UNC13C: variants seen among roughly 807,000 people sequenced by gnomAD.
UNC13C encodes protein unc-13 homolog C.
A neutral mutation model predicts 245.4 loss-of-function variants in UNC13C; 174 were observed. That is an observed-to-expected ratio of 0.71 (90% CI 0.63 to 0.80). The LOEUF is 0.80. UNC13C is among the 30% of genes least tolerant of loss of function. The pLI, the probability that UNC13C is intolerant of heterozygous loss-of-function variation, is 0.00. For missense variants in UNC13C, 2,829 were observed against 2,602.9 expected (o/e 1.09, Z -1.89); for synonymous variants, 992 against 895.1 (o/e 1.11, Z -1.93).
chr15:54,485,808 G>T (rs536936942), intron 19 of UNC13C, among the ~76,000 whole-genome samples: 17 of 152,014 alleles, frequency 1.1e-4, no homozygotes, highest in Non-Finnish European at 2.2e-4. Context: ...CCATTTCACT[G>T]TCTGTATTCT....
At chr15:54,423,783 A>G (rs936293581) in intron 19 of UNC13C, among the ~76,000 whole-genome samples, 4 of 151,842 alleles carry the variant, frequency 2.6e-5, no homozygotes, top group Non-Finnish European at 5.9e-5. Context: ...TGTGAAAATT[A>G]TATATTTAAC....
chr15:53,877,631 C>G, the UNC13C span, among the ~76,000 whole-genome samples: 1 of 151,576 alleles, frequency 6.6e-6, no homozygotes, highest in African/African-American at 2.4e-5. Context: ...AGAAGAAACA[C>G]GAAGAGAGAA....
intron 2 of UNC13C, among the ~76,000 whole-genome samples, chr15:54,090,324 G>A (rs1899496435): frequency 6.6e-6 from 1 of 151,834 alleles, no homozygotes; most frequent in East Asian, 1.9e-4. Flanking sequence ...TGGTAAAAAG[G>A]CTTAAGGATG....
chr15:54,141,363 G>A (rs1379100023), intron 2 of UNC13C, among the ~76,000 whole-genome samples: 2 of 152,046 alleles, frequency 1.3e-5, no homozygotes, highest in Admixed American at 6.6e-5. Context: ...ATATAGGCCA[G>A]AATTTTCAGA....
At chr15:53,924,121 C>T in the UNC13C span, among the ~76,000 whole-genome samples, 379 of 152,138 alleles carry the variant, frequency 2.5e-3, 1 homozygote, top group African/African-American at 8.7e-3. Context: ...ACAGGAGTAT[C>T]GCTTGAACCC....
chr15:54,440,373 T>C (rs11071072), intron 19 of UNC13C, among the ~76,000 whole-genome samples: 47,430 of 151,872 alleles, frequency 0.31, 8,016 homozygotes, highest in East Asian at 0.53. Flanking sequence ...GAGAATCACC[T>C]TTTTAGCTCC....
intron 19 of UNC13C, among the ~76,000 whole-genome samples, chr15:54,419,125 A>C (rs2040582917): frequency 6.6e-6 from 1 of 152,216 alleles, no homozygotes; most frequent in South Asian, 2.1e-4. Flanking sequence ...TAATGCTATT[A>C]TTTAGGTACA....
chr15:54,507,059 A>G, intron 22 of UNC13C, 58 bp from the exon 23 acceptor site: 1 of 1,135,212 alleles, frequency 8.8e-7, no homozygotes, highest in Non-Finnish European at 1.3e-6. Context: ...TAAACTTTAT[A>G]GCATATTTGT....
the UNC13C span, among the ~76,000 whole-genome samples, chr15:53,907,297 T>A: frequency 6.6e-6 from 1 of 152,236 alleles, no homozygotes; most frequent in Non-Finnish European, 1.5e-5. Context: ...TGAAGTTCAC[T>A]TCATGGTTTT....
At chr15:53,856,541 T>C in the UNC13C span, among the ~76,000 whole-genome samples, 2 of 152,214 alleles carry the variant, frequency 1.3e-5, no homozygotes, top group African/African-American at 4.8e-5. Context: ...TGCCTTAATT[T>C]CATTATTTAC....
At chr15:54,523,531 T>C (rs1429324423) in intron 24 of UNC13C, among the ~76,000 whole-genome samples, 1 of 152,204 alleles carries the variant, frequency 6.6e-6, no homozygotes, top group African/African-American at 2.4e-5. Context: ...CAACTAATAA[T>C]TATTTGATGA....
intron 10 of UNC13C, among the ~76,000 whole-genome samples, chr15:54,289,883 G>A (rs1020752054): frequency 1.7e-4 from 26 of 152,142 alleles, no homozygotes; most frequent in Middle Eastern, 6.8e-3. Context: ...TGAATGCAGG[G>A]TAAATACCTG....
At chr15:54,135,376 C>A (rs1405347885) in intron 2 of UNC13C, among the ~76,000 whole-genome samples, 3 of 152,162 alleles carry the variant, frequency 2.0e-5, no homozygotes, top group Admixed American at 6.5e-5. Flanking sequence ...ATTGCTATCC[C>A]GGCCAATACG....
At chr15:54,465,824 T>A (rs1437291762) in intron 19 of UNC13C, among the ~76,000 whole-genome samples, 3 of 151,982 alleles carry the variant, frequency 2.0e-5, no homozygotes, top group East Asian at 1.9e-4. Context: ...TAAGAAGCAA[T>A]GTAAGGAGCA....
At chr15:54,492,266 A>G (rs1482901975) in intron 19 of UNC13C, among the ~76,000 whole-genome samples, 2 of 152,150 alleles carry the variant, frequency 1.3e-5, no homozygotes, top group East Asian at 3.8e-4. Context: ...CAGTTTATAT[A>G]TAGTTTTCAG....
At chr15:54,570,194 A>G (rs8023595) in intron 30 of UNC13C, among the ~76,000 whole-genome samples, 69,338 of 151,930 alleles carry the variant, frequency 0.46, 16,086 homozygotes, top group East Asian at 0.57. Context: ...ATTTCATATC[A>G]ATTCCTGTCA....
At chr15:54,419,540 A>C (rs1485453441) in intron 19 of UNC13C, among the ~76,000 whole-genome samples, 1 of 152,192 alleles carries the variant, frequency 6.6e-6, no homozygotes, top group Non-Finnish European at 1.5e-5. Flanking sequence ...TATTAGAATC[A>C]GGATATGGAG....
At chr15:54,107,835 C>T (rs1900524221) in intron 2 of UNC13C, among the ~76,000 whole-genome samples, 2 of 152,086 alleles carry the variant, frequency 1.3e-5, no homozygotes, top group Non-Finnish European at 2.9e-5. Context: ...TATATTTATT[C>T]TATGATTATG....
At chr15:54,399,484 C>G (rs1046241700) in intron 18 of UNC13C, among the ~76,000 whole-genome samples, 1 of 151,764 alleles carries the variant, frequency 6.6e-6, no homozygotes, top group Non-Finnish European at 1.5e-5. Flanking sequence ...AAAACATAAG[C>G]AGAAATATCT....
Sources: allele counts gnomAD v4.1 joint callset (sites outside exome capture counted in the v4.1 genomes callset), GRCh38; gene constraint gnomAD v4.1.1; transcripts MANE v1.5; gene names NCBI Gene and HGNC (gene_info 2026-07-23, HGNC 2026-07-21).